Variants in TPTE observed in about 807,000 individuals in gnomAD.
TPTE encodes the protein putative tyrosine-protein phosphatase TPTE.
A neutral mutation model predicts 84.1 loss-of-function variants in TPTE; 59 were observed. The observed-to-expected ratio is 0.70, with a 90% confidence interval of 0.57 to 0.87. The LOEUF is 0.87. Among genes scored for constraint, TPTE ranks in the 40% least tolerant of loss-of-function variants. The pLI, the probability that TPTE is intolerant of heterozygous loss-of-function variation, is 0.00. For missense variants in TPTE, 382 were observed against 659.6 expected, an observed-to-expected ratio of 0.58 and a Z score of 4.61; for synonymous variants, 130 against 223.5, an observed-to-expected ratio of 0.58 and a Z score of 3.73.
chr21:10,534,020 G>T (rs1350466975), intron 3 of TPTE, among the ~76,000 whole-genome samples: 1 of 152,312 alleles, frequency 6.6e-6, no homozygotes, highest in Non-Finnish European at 1.5e-5. Context: ...ACCCGCAATT[G>T]ACTGAAGCTC....
chr21:10,596,744 A>G (rs1412789486), intron 20 of TPTE, among the ~76,000 whole-genome samples: 11 of 152,292 alleles, frequency 7.2e-5, no homozygotes, highest in African/African-American at 2.4e-4. Context: ...TGGACCTGAG[A>G]TGGTGCCAGT....
rs569603668 is a variant in TPTE at position 10,535,751 on chromosome 21, G to T, written c.-43-2930G>T. ...GAACAGAGTTCATGAAACCGTAATG[G>T]GTTCCTCACCTTCTAGCGTTCTACC... On this transcript the variant is annotated intron_variant, in intron 3 of 23. Coordinates refer to ENST00000618007, the MANE Select transcript of TPTE (RefSeq NM_199261.4). Among the ~76,000 whole-genome samples, 3 of 152,424 alleles carry T rather than the reference G, an allele frequency of 2.0e-5. No homozygotes were observed. In the South Asian group the frequency reaches 6.2e-4, roughly 32 times the overall value.
At chr21:10,586,140 T>C (rs1387585158) in intron 17 of TPTE, among the ~76,000 whole-genome samples, 12 of 152,188 alleles carry the variant, frequency 7.9e-5, no homozygotes, top group Non-Finnish European at 1.2e-4. Context: ...TTTCCTGACT[T>C]CTTGACATGG....
chr21:10,605,376 G>A (rs1325228468), intron 23 of TPTE, 41 bp from the exon 24 acceptor site: 3 of 1,603,188 alleles, frequency 1.9e-6, no homozygotes, highest in Non-Finnish European at 2.6e-6. Flanking sequence ...GCTTTTCAGT[G>A]AGCCCCAATA....
chr21:10,527,061 G>A (rs1324023862), intron 2 of TPTE, among the ~76,000 whole-genome samples: 1 of 152,294 alleles, frequency 6.6e-6, no homozygotes, highest in Non-Finnish European at 1.5e-5. Flanking sequence ...TTCCTACCAA[G>A]GATGACCGGG....
chr21:10,536,017 T>G (rs2074259553), intron 3 of TPTE, among the ~76,000 whole-genome samples: 1 of 152,304 alleles, frequency 6.6e-6, no homozygotes, highest in Admixed American at 6.5e-5. Context: ...GTGGCTCATA[T>G]CTGTAATCCC....
intron 3 of TPTE, among the ~76,000 whole-genome samples, chr21:10,536,282 AG>A (rs1172928783): frequency 6.6e-6 from 1 of 152,310 alleles, no homozygotes; most frequent in African/African-American, 2.4e-5. Context: ...CCTAAAAAAA[AG>A]GATACACCTA....
Position 10,578,621 on chromosome 21 carries a change from T to G in TPTE, c.1027+16T>G, listed in dbSNP as rs1256855147. 3 of 1,611,948 alleles carry G rather than the reference T, an allele frequency of 1.9e-6. No homozygotes were observed. The highest frequency in any genetic ancestry group is 2.5e-6 in the Non-Finnish European group (3 of 1,179,792). On this transcript the variant is annotated intron_variant, in intron 17 of 23. Coordinates refer to ENST00000618007, the MANE Select transcript of TPTE (RefSeq NM_199261.4). ...GGAGGCACAGGTAATAACATTTTCCTTTTTATTTCTCCATTTCTAAAGACA... is the reference window on the plus strand; with the variant it reads ...GGAGGCACAGGTAATAACATTTTCCGTTTTATTTCTCCATTTCTAAAGACA...
intron 7 of TPTE, among the ~76,000 whole-genome samples, chr21:10,551,481 A>G (rs529185459): frequency 3.3e-5 from 5 of 152,430 alleles, no homozygotes; most frequent in African/African-American, 7.2e-5. Context: ...CAAAAAAACT[A>G]GAAAACTTTC....
intron 17 of TPTE, among the ~76,000 whole-genome samples, chr21:10,581,604 T>C (rs2075272294): frequency 6.6e-6 from 1 of 152,310 alleles, no homozygotes; most frequent in Non-Finnish European, 1.5e-5. Context: ...AGTAAAAATA[T>C]TTTATATTGA....
chr21:10,595,966 T>G lies in TPTE; in HGVS notation c.1171-16T>G. 6.2e-7 allele frequency: 1 copy of G among 1,613,640 alleles called. No individual in the cohort carries two copies. The highest frequency in any genetic ancestry group is 1.1e-5 in the South Asian group (1 of 91,002). ...TTTTCATCTCCACTTAAAGGAAGATTTCTGTTGCTTTTCAGAAGAGATATG... is the reference window on the plus strand; with the variant it reads ...TTTTCATCTCCACTTAAAGGAAGATGTCTGTTGCTTTTCAGAAGAGATATG... On this transcript the variant is annotated splice_polypyrimidine_tract_variant and intron_variant, in intron 19 of 23. Coordinates refer to ENST00000618007, the MANE Select transcript of TPTE (RefSeq NM_199261.4).
chr21:10,527,380 A>G lies in TPTE; in HGVS notation c.-76A>G, dbSNP rs2074099365. The G allele has an allele frequency of 6.5e-6, 1 of 152,684 alleles. No individual in the cohort carries two copies. Among genetic ancestry groups the G allele is most frequent in the South Asian group, 2.1e-4 (1 of 4,828 alleles). The allele number at this position is 152,684 out of a possible 1,614,324, so 9.5% of individuals were successfully genotyped here. ...AGTTATGGATTCACTACCAGATTCT[A>G]CTGTATGCTCTTGACAACTATGACC... On this transcript the variant is annotated 5_prime_UTR_variant, in exon 3 of 24. Transcript: ENST00000618007.
At chr21:10,541,484 A>C (rs1442313080) in intron 5 of TPTE, among the ~76,000 whole-genome samples, 2 of 152,262 alleles carry the variant, frequency 1.3e-5, no homozygotes, top group Middle Eastern at 3.2e-3. Context: ...AAATGAAAAA[A>C]AAAAAAGATG....
At chr21:10,558,053 C>T (rs1451901529) in intron 8 of TPTE, among the ~76,000 whole-genome samples, 2 of 152,310 alleles carry the variant, frequency 1.3e-5, no homozygotes, top group Admixed American at 1.3e-4. Context: ...GAGCCTCCGG[C>T]TCCATTGATG....
intron 1 of TPTE, among the ~76,000 whole-genome samples, chr21:10,522,489 T>TA (rs2074000100): frequency 6.6e-6 from 1 of 152,306 alleles, no homozygotes; most frequent in Non-Finnish European, 1.5e-5. Context: ...TCCCCAGCGA[T>TA]GCCCCGGGAA....
intron 21 of TPTE, among the ~76,000 whole-genome samples, chr21:10,601,490 C>G (rs1332317649): frequency 6.6e-6 from 1 of 152,030 alleles, no homozygotes; most frequent in African/African-American, 2.4e-5. Context: ...GAGTGAGACT[C>G]TGTCTCAAAC....
At chr21:10,586,155 T>A (rs1160793550) in intron 17 of TPTE, among the ~76,000 whole-genome samples, 4 of 152,308 alleles carry the variant, frequency 2.6e-5, no homozygotes, top group African/African-American at 9.6e-5. Flanking sequence ...ACATGGATAA[T>A]TCTTAGAGTG....
chr21:10,562,543 A>C (rs2074830447), intron 10 of TPTE, among the ~76,000 whole-genome samples: 1 of 152,312 alleles, frequency 6.6e-6, no homozygotes, highest in South Asian at 2.1e-4. Flanking sequence ...TCATAATTCT[A>C]TTAGATAAGT....
At chr21:10,583,823 C>G (rs2075311923) in intron 17 of TPTE, among the ~76,000 whole-genome samples, 1 of 152,428 alleles carries the variant, frequency 6.6e-6, no homozygotes, top group East Asian at 1.9e-4. Flanking sequence ...CTTTACTACC[C>G]TGAGGAACAT....
Sources: gnomAD v4.1 joint callset for allele counts (sites outside exome capture counted in the v4.1 genomes callset) on GRCh38, gnomAD v4.1.1 for gene constraint, MANE v1.5 for transcripts, NCBI Gene and HGNC (gene_info 2026-07-23, HGNC 2026-07-21) for gene names.